Variants in TNRC6A observed in about 807,000 individuals in gnomAD.
TNRC6A encodes trinucleotide repeat containing adaptor 6A, also known as trinucleotide repeat-containing gene 6A protein.
TNRC6A carries 44 observed loss-of-function variants against 221.2 expected under a neutral mutation model. The observed-to-expected ratio is 0.20, with a 90% CI of 0.16 to 0.26. TNRC6A has a LOEUF of 0.26. Ranked by LOEUF, TNRC6A falls within the 10% of genes least tolerant of loss-of-function variation. TNRC6A has a pLI of 1.00. For synonymous variants in TNRC6A, 847 were observed against 838.5 expected, an observed-to-expected ratio of 1.01 and a Z score of -0.18; for missense variants, 2,199 against 2,404.4, an observed-to-expected ratio of 0.91 and a Z score of 1.79.
chr16:24,644,927 G>A (rs1203102750), intron 2 of TNRC6A, among the ~76,000 whole-genome samples: 1 of 152,114 alleles, frequency 6.6e-6, no homozygotes, highest in African/African-American at 2.4e-5. Flanking sequence ...ATAAAAATTT[G>A]TAATGAGATA....
intron 17 of TNRC6A, among the ~76,000 whole-genome samples, chr16:24,807,706 A>G (rs942301788): frequency 2.2e-5 from 3 of 135,986 alleles, no homozygotes; most frequent in Non-Finnish European, 3.1e-5. Flanking sequence ...TTGAGCTTAT[A>G]TGTTGTTTCT....
chr16:24,821,579 A>C (rs1311527465), intron 22 of TNRC6A, among the ~76,000 whole-genome samples: 2 of 152,096 alleles, frequency 1.3e-5, no homozygotes, highest in South Asian at 4.1e-4. Flanking sequence ...CTGTACTCCC[A>C]GGGGAAGGGT....
chr16:24,656,136 T>G, intron 2 of TNRC6A, among the ~76,000 whole-genome samples: 1 of 125,772 alleles, frequency 8.0e-6, no homozygotes. Context: ...AACAAGACCT[T>G]GTCTCAAAAA....
At position 24,804,740 on chromosome 16, in the gene TNRC6A, G is replaced by A; in HGVS notation, c.3873G>A (p.Gln1291=). The A allele has an allele frequency of 1.9e-6, 3 of 1,606,530 alleles. No homozygotes were observed. Among genetic ancestry groups the A allele is most frequent in the Non-Finnish European group, 2.5e-6 (3 of 1,178,406 alleles). The change falls in exon 13 of 25, where the codon CAG becomes CAA. Residue 1291 remains glutamine, a synonymous_variant. Coordinates refer to ENST00000395799, the MANE Select transcript of TNRC6A (RefSeq NM_014494.4). ...TAGCAGATGAATCCCAAAACATGCA[G>A]TTTATGTCCAGTCAAAGCATGAAGC... The part of the protein sequence containing the change: ...GIVADESQNM[Q]FMSSQSMKLP...
intron 17 of TNRC6A, among the ~76,000 whole-genome samples, chr16:24,807,391 G>A (rs2058456131): frequency 6.6e-6 from 1 of 152,162 alleles, no homozygotes; most frequent in Admixed American, 6.5e-5. Flanking sequence ...AGGACTAGCT[G>A]TCTTAATCTT....
chr16:24,734,805 ACT>A (rs2056726679), intron 2 of TNRC6A, among the ~76,000 whole-genome samples: 1 of 152,210 alleles, frequency 6.6e-6, no homozygotes, highest in East Asian at 1.9e-4. Context: ...ACTATCATGT[ACT>A]AAATGTGTTT....
chr16:24,813,226 A>G (rs921669482), intron 18 of TNRC6A, among the ~76,000 whole-genome samples: 2 of 152,076 alleles, frequency 1.3e-5, no homozygotes, highest in African/African-American at 4.8e-5. Context: ...TTATACAGGT[A>G]TATTGCATAC....
intron 4 of TNRC6A, among the ~76,000 whole-genome samples, chr16:24,768,550 C>T (rs560486243): frequency 4.4e-4 from 67 of 152,066 alleles, no homozygotes; most frequent in African/African-American, 1.6e-3. Context: ...TGGTACACTC[C>T]ATCTTGTCTT....
At chr16:24,613,227 A>G (rs959019729) in intron 1 of TNRC6A, among the ~76,000 whole-genome samples, 7 of 151,228 alleles carry the variant, frequency 4.6e-5, no homozygotes, top group African/African-American at 1.2e-4. Flanking sequence ...TGATGATGCA[A>G]TTTTTAAGTT....
intron 1 of TNRC6A, among the ~76,000 whole-genome samples, chr16:24,631,695 C>T (rs2141679544): frequency 6.6e-6 from 1 of 151,910 alleles, no homozygotes; most frequent in East Asian, 1.9e-4. Flanking sequence ...TCACTTGAAC[C>T]CAGGAGGTGG....
At chr16:24,763,642 C>T (rs2057410431) in intron 4 of TNRC6A, among the ~76,000 whole-genome samples, 1 of 152,208 alleles carries the variant, frequency 6.6e-6, no homozygotes. Flanking sequence ...TTATTTCCTT[C>T]ATTCATCATT....
At chr16:24,643,690 T>C (rs986834461) in intron 2 of TNRC6A, among the ~76,000 whole-genome samples, 3 of 152,180 alleles carry the variant, frequency 2.0e-5, no homozygotes, top group Admixed American at 2.0e-4. Flanking sequence ...TATCTGATTC[T>C]GTACTGTCCC....
intron 5 of TNRC6A, among the ~76,000 whole-genome samples, chr16:24,777,633 T>C (rs918787377): frequency 2.7e-4 from 41 of 152,288 alleles, no homozygotes; most frequent in African/African-American, 9.6e-4. Flanking sequence ...AGACTGTAGC[T>C]AAAATTGAGC....
At chr16:24,744,582 C>T (rs77358528) in intron 2 of TNRC6A, among the ~76,000 whole-genome samples, 85 of 152,168 alleles carry the variant, frequency 5.6e-4, no homozygotes, top group African/African-American at 1.9e-3. Context: ...TAATTTATCG[C>T]TCAAATTATG....
At chr16:24,757,540 G>A (rs2057278593) in intron 3 of TNRC6A, among the ~76,000 whole-genome samples, 1 of 152,124 alleles carries the variant, frequency 6.6e-6, no homozygotes, top group South Asian at 2.1e-4. Context: ...TTGATCAACA[G>A]ATTGATGTTT....
At chr16:24,675,107 C>A (rs1165770769) in intron 2 of TNRC6A, among the ~76,000 whole-genome samples, 1 of 152,148 alleles carries the variant, frequency 6.6e-6, no homozygotes, top group Non-Finnish European at 1.5e-5. Context: ...GATGACACCG[C>A]TGCACTCCAG....
intron 2 of TNRC6A, among the ~76,000 whole-genome samples, chr16:24,651,343 A>G (rs1902636980): frequency 6.6e-6 from 1 of 151,816 alleles, no homozygotes; most frequent in African/African-American, 2.4e-5. Context: ...GTTCGAGACC[A>G]GCCTGACCAA....
intron 2 of TNRC6A, among the ~76,000 whole-genome samples, chr16:24,685,292 C>T (rs1463438666): frequency 6.6e-6 from 1 of 152,098 alleles, no homozygotes; most frequent in African/African-American, 2.4e-5. Flanking sequence ...GAAACTGAGG[C>T]TCAGAAAGAC....
chr16:24,612,842 T>A (rs1489270070), intron 1 of TNRC6A, among the ~76,000 whole-genome samples: 2 of 152,070 alleles, frequency 1.3e-5, no homozygotes, highest in East Asian at 3.9e-4. Flanking sequence ...TCTATTCTCA[T>A]GGGGTTTATA....
Sources: allele counts gnomAD v4.1 joint callset (sites outside exome capture counted in the v4.1 genomes callset), GRCh38; gene constraint gnomAD v4.1.1; transcripts MANE v1.5; gene names NCBI Gene and HGNC (gene_info 2026-07-23, HGNC 2026-07-21).